Variants in PINK1 observed in about 807,000 individuals in gnomAD.
PINK1 encodes PTEN induced kinase 1, also known as serine/threonine-protein kinase PINK1, mitochondrial.
In PINK1, 58 loss-of-function variants were observed where a neutral mutation model predicts 56.0. The observed-to-expected ratio is 1.04, with a 90% confidence interval of 0.84 to 1.29. PINK1 has a LOEUF of 1.29. PINK1 is among the 50% of genes most tolerant of loss of function. The probability of loss-of-function intolerance (pLI) is 0.00; values close to 1 mark genes in which losing one functional copy is unlikely to be tolerated. For missense variants in PINK1, 745 were observed against 777.9 expected, an observed-to-expected ratio of 0.96 and a Z score of 0.50; for synonymous variants, 354 against 339.3, an observed-to-expected ratio of 1.04 and a Z score of -0.48.
rs556390159 is a variant in PINK1, at chr1:20,651,260, TC to T, written c.*571del. The stretch of plus-strand genomic sequence containing the variant: ...GGGGATTTAAACTTGAGGGTTTCCC[TC>T]CTGACTAGCCTCTCTTACAGGAATT... On this transcript the variant is annotated 3_prime_UTR_variant, in exon 8 of 8. Coordinates refer to ENST00000321556, the MANE Select transcript of PINK1 (RefSeq NM_032409.3). 20 of 166,988 alleles carry T rather than the reference TC, an allele frequency of 1.2e-4. No homozygotes were observed. Among genetic ancestry groups the T allele is most frequent in the South Asian group, 1.1e-3 (7 of 6,432 alleles). The allele number at this position is 166,988 out of a possible 1,614,324, so 10.3% of individuals were successfully genotyped here. A position where few individuals can be genotyped will look rare whatever the true frequency, so the allele number is the denominator to read the frequency against.
chr1:20,634,198 A>T (rs945694664), intron 1 of PINK1, among the ~76,000 whole-genome samples: 1 of 152,230 alleles, frequency 6.6e-6, no homozygotes, highest in Admixed American at 6.5e-5. Context: ...GCACAGCAAA[A>T]GGCTTTGTGT....
rs1334106557 is a variant in PINK1 at position 20,637,950 on chromosome 1, T to C, written c.496T>C (p.Cys166Arg). ...YLIGQSIGKG[C>R]SAAVYEATMP... ...GATAGGGCAGTCCATTGGTAAGGGC[T>C]GCAGTGCTGCTGTGTATGAAGCCAC... Residue 166 changes from cysteine (C) to arginine (R), a missense_variant, in exon 2 of 8, where the codon TGC (cysteine) becomes CGC (arginine). Transcript: ENST00000321556. The C allele has an allele frequency of 1.9e-6, 3 of 1,614,098 alleles. No individual in the cohort carries two copies. Among genetic ancestry groups the C allele is most frequent in the African/African-American group, 1.3e-5 (1 of 74,936 alleles).
intron 3 of PINK1, among the ~76,000 whole-genome samples, chr1:20,643,385 G>A (rs766614765): frequency 6.6e-6 from 1 of 152,242 alleles, no homozygotes; most frequent in Non-Finnish European, 1.5e-5. Flanking sequence ...GCCAGGGCAG[G>A]CAGATGACAC....
intron 1 of PINK1, 115 bp downstream of exon 1, chr1:20,634,050 G>A: frequency 7.8e-7 from 1 of 1,287,402 alleles, no homozygotes; most frequent in East Asian, 2.6e-5. Flanking sequence ...CAGATCGAGG[G>A]CCGAGGCGAG....
Position 20,644,621 on chromosome 1 carries a change from T to A in PINK1, c.908T>A (p.Leu303His). The A allele has an allele frequency of 6.2e-7, 1 of 1,614,184 alleles. No individual in the cohort carries two copies. Reference protein sequence around the residue: ...VDYPDVLPSRLHPEGLGHGRT... With the variant: ...VDYPDVLPSRHHPEGLGHGRT... Reference sequence around the variant, plus strand: ...TACCCTGATGTGCTGCCCTCACGCCTCCACCCTGAAGGCCTGGGCCATGGC... The same window carrying A: ...TACCCTGATGTGCTGCCCTCACGCCACCACCCTGAAGGCCTGGGCCATGGC... Residue 303 changes from leucine to histidine, a missense_variant, in exon 4 of 8, where the codon CTC (leucine) becomes CAC (histidine). By Grantham distance (99) the Leu-to-His change is moderately conservative. Transcript: ENST00000321556.
rs554971781 is a variant in PINK1 at position 20,636,633 on chromosome 1, C to T, written c.388-1209C>T. Among the ~76,000 whole-genome samples, 10 of 152,316 alleles carry T rather than the reference C, an allele frequency of 6.6e-5. No individual in the cohort carries two copies. The East Asian group carries it at 1.7e-3, about 26-fold the overall frequency. On this transcript the variant is annotated intron_variant, in intron 1 of 7. Transcript: ENST00000321556. ...CTGGGATTACAGGCATGAGCCACCA[C>T]GCCCGGCCTGGACTTTCATTTTTTT...
chr1:20,633,804 G>A lies in PINK1; in HGVS notation c.256G>A (p.Val86Met). 6.3e-7 allele frequency: 1 copy of A among 1,576,646 alleles called. No individual in the cohort carries two copies. Among genetic ancestry groups the A allele is most frequent in the Non-Finnish European group, 8.6e-7 (1 of 1,166,090 alleles). Residue 86 changes from valine to methionine, a missense_variant, in exon 1 of 8, where the codon GTG becomes ATG. Transcript: ENST00000321556. ...GLAARLQRQFVVRAWGCAGPC... is the reference protein window; with the variant it reads ...GLAARLQRQFMVRAWGCAGPC... Reference sequence around the variant, plus strand: ...GGCGGCGCGGTTGCAGCGGCAGTTCGTGGTGCGGGCCTGGGGCTGCGCGGG... The same window carrying A: ...GGCGGCGCGGTTGCAGCGGCAGTTCATGGTGCGGGCCTGGGGCTGCGCGGG...
At position 20,648,561 on chromosome 1, in the gene PINK1, A is replaced by G. The variant is rs757253324; in HGVS notation, c.1180A>G (p.Ile394Val). The change falls in exon 6 of 8, where the codon ATC becomes GTC. Residue 394 changes from isoleucine (I) to valine (V), a missense_variant. Ile to Val is a conservative substitution (Grantham distance 29, BLOSUM62 3). Coordinates refer to ENST00000321556, the MANE Select transcript of PINK1 (RefSeq NM_032409.3). Reference protein sequence around the residue: ...DFGCCLADESIGLQLPFSSWY... With the variant: ...DFGCCLADESVGLQLPFSSWY... ...TGGCTGCTGCCTGGCTGATGAGAGC[A>G]TCGGCCTGCAGTTGCCCTTCAGCAG... is the stretch of plus-strand genomic sequence containing the variant. The G allele has an allele frequency of 2.5e-6, 4 of 1,614,044 alleles. No homozygotes were observed. The highest frequency in any genetic ancestry group is 2.2e-5 in the South Asian group (2 of 91,092).
chr1:20,647,297 T>C (rs1297965884), intron 5 of PINK1, among the ~76,000 whole-genome samples: 2 of 151,804 alleles, frequency 1.3e-5, no homozygotes, highest in Non-Finnish European at 2.9e-5. Flanking sequence ...GACTTCGTGA[T>C]CCACCTGCTT....
Position 20,650,538 on chromosome 1 carries a change from C to T in PINK1, c.1593C>T (p.Leu531=), listed in dbSNP as rs780954418. Residue 531 remains leucine, a synonymous_variant, in exon 8 of 8, where the codon CTC becomes CTT. Coordinates refer to ENST00000321556, the MANE Select transcript of PINK1 (RefSeq NM_032409.3). The part of the protein sequence containing the change: ...NLKLDKMVGW[L]LQQSAATLLA... ...AGTTAGACAAGATGGTTGGCTGGCT[C>T]CTCCAACAATCGGCCGCCACTTTGT... 11 of 1,614,096 alleles carry T rather than the reference C, an allele frequency of 6.8e-6. No individual in the cohort carries two copies. Among genetic ancestry groups the T allele is most frequent in the South Asian group, 1.1e-5 (1 of 91,088 alleles).
intron 3 of PINK1, among the ~76,000 whole-genome samples, chr1:20,640,993 T>C (rs2053110149): frequency 6.6e-6 from 1 of 152,074 alleles, no homozygotes; most frequent in Non-Finnish European, 1.5e-5. Context: ...GCCAAGATCA[T>C]GCCACTGCAC....
Position 20,637,845 on chromosome 1 carries a change from A to G in PINK1, c.391A>G (p.Ile131Val), listed in dbSNP as rs780200003. Residue 131 changes from isoleucine to valine, a missense_variant, in exon 2 of 8, where the codon ATT (isoleucine) becomes GTT (valine). Coordinates refer to ENST00000321556, the MANE Select transcript of PINK1 (RefSeq NM_032409.3). ...AVSACQEIQAIFTQKSKPGPD... is the reference protein window; with the variant it reads ...AVSACQEIQAVFTQKSKPGPD... ...GTGCATTCTTTTCTCATCACAGGCA[A>G]TTTTTACCCAGAAAAGCAAGCCGGG... is the stretch of plus-strand genomic sequence containing the variant. 16 of 1,613,760 alleles carry G rather than the reference A, an allele frequency of 9.9e-6. No homozygotes were observed. Among genetic ancestry groups the G allele is most frequent in the Admixed American group, 8.3e-5 (5 of 59,978 alleles).
At chr1:20,638,301 G>A in intron 2 of PINK1, 172 bp downstream of exon 2, 3 of 756,090 alleles carry the variant, frequency 4.0e-6, no homozygotes, top group Non-Finnish European at 6.3e-6. Flanking sequence ...AAACCAGAAT[G>A]TTTGAAATTG....
chr1:20,650,237 T>C, intron 7 of PINK1, 197 bp from the exon 8 acceptor site: 3 of 691,148 alleles, frequency 4.3e-6, no homozygotes, highest in Non-Finnish European at 7.6e-6. Context: ...CATGCAGAGG[T>C]GTACACATGG....
At chr1:20,648,654 C>A (rs373068586) in intron 6 of PINK1, 22 bp downstream of exon 6, 1 of 1,612,240 alleles carries the variant, frequency 6.2e-7, no homozygotes, top group East Asian at 2.2e-5. Context: ...GTGTGTCATG[C>A]GCCATCGGCA....
chr1:20,645,833 CT>C, intron 5 of PINK1, 110 bp downstream of exon 5: 1 of 1,396,716 alleles, frequency 7.2e-7, no homozygotes, highest in Non-Finnish European at 1.0e-6. Context: ...TAAGTCATGT[CT>C]TTATTTAGCT....
In PINK1 at chr1:20,651,126, T is replaced by G; in HGVS notation, c.*435T>G. ...ACGTTCAGTTACGGGAGTGGGAAAT[T>G]ACATGAGGCCTGGGCCTCTGCGTTC... On this transcript the variant is annotated 3_prime_UTR_variant, in exon 8 of 8. Transcript: ENST00000321556. The G allele has an allele frequency of 3.9e-6, 1 of 257,176 alleles. No homozygotes were observed. The highest frequency in any genetic ancestry group is 7.7e-6 in the Non-Finnish European group (1 of 129,888). 15.9% of individuals were successfully genotyped at this position (257,176 alleles called of 1,614,324 possible). A position where few individuals can be genotyped will look rare whatever the true frequency, so the allele number is the denominator to read the frequency against.
At chr1:20,644,042 C>G (rs769048205) in intron 3 of PINK1, among the ~76,000 whole-genome samples, 3 of 152,158 alleles carry the variant, frequency 2.0e-5, no homozygotes, top group Non-Finnish European at 2.9e-5. Context: ...GTCTCTCTCT[C>G]TCTCCTCTCT....
intron 3 of PINK1, 49 bp downstream of exon 3, chr1:20,640,041 C>G (rs1290189645): frequency 6.9e-7 from 1 of 1,459,816 alleles, no homozygotes. Context: ...TTGAGAGCAA[C>G]TTCATCCATC....
Sources: allele counts gnomAD v4.1 joint callset (sites outside exome capture counted in the v4.1 genomes callset), GRCh38; gene constraint gnomAD v4.1.1; transcripts MANE v1.5; gene names NCBI Gene and HGNC (gene_info 2026-07-23, HGNC 2026-07-21).